The following SNTG1 variants were observed in gnomAD, a reference collection of about 807,000 sequenced individuals.
SNTG1 encodes syntrophin gamma 1, also known as gamma-1-syntrophin.
A neutral mutation model predicts 74.7 loss-of-function variants in SNTG1; 39 were observed. The observed-to-expected ratio is 0.52, with a 90% CI of 0.40 to 0.68. The LOEUF (loss-of-function observed/expected upper bound fraction) is 0.68. Among genes scored for constraint, SNTG1 ranks in the 30% least tolerant of loss-of-function variants. The pLI is 0.00. For missense variants in SNTG1, 685 were observed against 609.5 expected (o/e 1.12, Z -1.30); for synonymous variants, 254 against 217.1 (o/e 1.17, Z -1.49).
intron 17 of SNTG1, among the ~76,000 whole-genome samples, chr8:50,733,449 T>C (rs1563790913): frequency 6.6e-6 from 1 of 152,084 alleles, no homozygotes. Context: ...ATATACCCAG[T>C]AATGGGATAT....
chr8:50,436,116 A>T (rs1381083076), intron 4 of SNTG1, among the ~76,000 whole-genome samples: 1 of 152,200 alleles, frequency 6.6e-6, no homozygotes, highest in Non-Finnish European at 1.5e-5. Flanking sequence ...GCTGCTTAAA[A>T]TGCATTTGCT....
rs142605729 is a variant in SNTG1, at chr8:50,611,259, C to T, written c.849+20342C>T. ...AGAAAATATACAGCATCATCTCACTCTCCTTCTTCCCTTTGCCTCTGAGTA... is the reference window on the plus strand; with the variant it reads ...AGAAAATATACAGCATCATCTCACTTTCCTTCTTCCCTTTGCCTCTGAGTA... On this transcript the variant is annotated intron_variant, in intron 13 of 18. Transcript: ENST00000642720. Among the ~76,000 whole-genome samples, 51 of 152,240 alleles carry T rather than the reference C, an allele frequency of 3.3e-4. 1 individual carries two copies. The East Asian group carries it at 8.7e-3, about 26-fold the overall frequency.
At chr8:50,293,302 C>T (rs957287472) in intron 2 of SNTG1, among the ~76,000 whole-genome samples, 2 of 152,118 alleles carry the variant, frequency 1.3e-5, no homozygotes, top group Non-Finnish European at 2.9e-5. Flanking sequence ...TTGTCATCTC[C>T]TACCTATGTC....
At chr8:50,331,410 G>A (rs1239711492) in intron 2 of SNTG1, among the ~76,000 whole-genome samples, 1 of 152,178 alleles carries the variant, frequency 6.6e-6, no homozygotes, top group Non-Finnish European at 1.5e-5. Flanking sequence ...CCAAGCTAGA[G>A]AAACAGCCCT....
At chr8:50,380,168 T>C (rs920819750) in intron 2 of SNTG1, among the ~76,000 whole-genome samples, 4 of 152,310 alleles carry the variant, frequency 2.6e-5, no homozygotes, top group Admixed American at 2.6e-4. Flanking sequence ...CATAAAAAGG[T>C]TAAAGATGCT....
chr8:50,767,357 T>C (rs2095616303), intron 18 of SNTG1, among the ~76,000 whole-genome samples: 2 of 151,968 alleles, frequency 1.3e-5, no homozygotes, highest in African/African-American at 2.4e-5. Flanking sequence ...TGGGTTTACA[T>C]AGGAATTGGG....
intron 1 of SNTG1, among the ~76,000 whole-genome samples, chr8:49,923,917 A>G (rs1806789311): frequency 6.6e-6 from 1 of 152,210 alleles, no homozygotes; most frequent in Non-Finnish European, 1.5e-5. Context: ...AAAGTGAATT[A>G]GCAATAAATA....
At chr8:50,061,932 C>A (rs1219767352) in intron 1 of SNTG1, among the ~76,000 whole-genome samples, 3 of 152,050 alleles carry the variant, frequency 2.0e-5, no homozygotes, top group Non-Finnish European at 2.9e-5. Flanking sequence ...ATGTATTCTG[C>A]TACTAATGGG....
At chr8:50,120,845 T>C (rs2080973615) in intron 1 of SNTG1, among the ~76,000 whole-genome samples, 2 of 142,162 alleles carry the variant, frequency 1.4e-5, no homozygotes, top group African/African-American at 5.1e-5. Flanking sequence ...GTAGAGAAAT[T>C]ATATGGTAGA....
At chr8:50,017,049 G>T (rs1816388503) in intron 1 of SNTG1, among the ~76,000 whole-genome samples, 1 of 151,988 alleles carries the variant, frequency 6.6e-6, no homozygotes, top group South Asian at 2.1e-4. Flanking sequence ...AACAAAAACT[G>T]AGAGACTAAT....
At chr8:49,997,895 G>A (rs763496822) in intron 1 of SNTG1, among the ~76,000 whole-genome samples, 2 of 152,052 alleles carry the variant, frequency 1.3e-5, no homozygotes, top group Non-Finnish European at 2.9e-5. Context: ...AAGTCTAGAC[G>A]CATATACAGT....
chr8:50,679,752 G>C (rs777405176), intron 15 of SNTG1, among the ~76,000 whole-genome samples: 2 of 152,182 alleles, frequency 1.3e-5, no homozygotes, highest in Non-Finnish European at 2.9e-5. Flanking sequence ...CTGAGCAAGT[G>C]CTTGCTTGAC....
chr8:50,661,247 A>T (rs925687495), intron 15 of SNTG1, among the ~76,000 whole-genome samples: 3 of 152,198 alleles, frequency 2.0e-5, no homozygotes, highest in Admixed American at 6.5e-5. Flanking sequence ...TAAATGAGAC[A>T]AAATAATAAT....
chr8:50,309,987 C>A (rs531619222), intron 2 of SNTG1, among the ~76,000 whole-genome samples: 21 of 152,078 alleles, frequency 1.4e-4, no homozygotes, highest in African/African-American at 4.8e-4. Context: ...TGTCTATGTG[C>A]GTAAAAATAG....
intron 18 of SNTG1, among the ~76,000 whole-genome samples, chr8:50,753,130 A>G (rs541901720): frequency 2.0e-5 from 3 of 151,760 alleles, no homozygotes; most frequent in Admixed American, 6.6e-5. Context: ...CCTTTATTTT[A>G]CATGCCTCAC....
intron 13 of SNTG1, among the ~76,000 whole-genome samples, chr8:50,651,645 C>CG (rs1488840326): frequency 6.6e-6 from 1 of 151,660 alleles, no homozygotes; most frequent in Non-Finnish European, 1.5e-5. Flanking sequence ...TTAGTAGAGA[C>CG]GGGATTTCTC....
chr8:50,576,141 T>C (rs1365914615), intron 12 of SNTG1, among the ~76,000 whole-genome samples: 1 of 152,198 alleles, frequency 6.6e-6, no homozygotes, highest in Non-Finnish European at 1.5e-5. Context: ...GCTCAGGTCT[T>C]TGGGTTAATT....
chr8:50,657,741 T>C (rs2095192447), intron 14 of SNTG1, among the ~76,000 whole-genome samples: 1 of 152,126 alleles, frequency 6.6e-6, no homozygotes, highest in Non-Finnish European at 1.5e-5. Context: ...TGTACAGGTC[T>C]CTCTATATAA....
At chr8:50,322,529 T>G (rs1331052748) in intron 2 of SNTG1, among the ~76,000 whole-genome samples, 1 of 152,194 alleles carries the variant, frequency 6.6e-6, no homozygotes, top group Non-Finnish European at 1.5e-5. Flanking sequence ...GGGTTAAACC[T>G]GCTGGTGTTC....
Sources: allele counts gnomAD v4.1 joint callset (sites outside exome capture counted in the v4.1 genomes callset), GRCh38; gene constraint gnomAD v4.1.1; transcripts MANE v1.5; gene names NCBI Gene and HGNC (gene_info 2026-07-23, HGNC 2026-07-21).